Variants in JAKMIP1 observed in about 807,000 individuals in gnomAD.
JAKMIP1 encodes the protein janus kinase and microtubule-interacting protein 1.
JAKMIP1 carries 33 observed loss-of-function variants against 113.0 expected under a neutral mutation model. The ratio of observed to expected loss-of-function variants is 0.29; its 90% CI spans 0.22 to 0.39. The LOEUF is 0.39. Among genes scored for constraint, JAKMIP1 ranks in the 10% least tolerant of loss-of-function variants. The pLI is 1.00. For synonymous variants in JAKMIP1, 480 were observed against 459.9 expected (o/e 1.04, Z -0.56); for missense variants, 813 against 1,080.5 (o/e 0.75, Z 3.47).
At position 6,064,762 on chromosome 4, in the gene JAKMIP1, G is replaced by C; in HGVS notation, c.1431+118C>G. 7.6e-7 allele frequency: 1 copy of C among 1,309,648 alleles called. No individual in the cohort carries two copies. Among genetic ancestry groups the C allele is most frequent in the Admixed American group, 2.0e-5 (1 of 50,670 alleles). 81.1% of individuals were successfully genotyped at this position (1,309,648 alleles called of 1,614,324 possible). ...CTTTGATAATGCACTGGTAGGAACT[G>C]GTCATCTGGGGTTCAGAACTATAGG... On this transcript the variant is annotated intron_variant, in intron 9 of 20. Coordinates refer to ENST00000409021, the MANE Select transcript of JAKMIP1 (RefSeq NM_001099433.2). This position sits in a 1 kb window ranked among gnomAD's most constrained non-coding sequence, Gnocchi z 4.3.
At chr4:6,034,485 T>C (rs921102748) in intron 19 of JAKMIP1, among the ~76,000 whole-genome samples, 12 of 152,174 alleles carry the variant, frequency 7.9e-5, no homozygotes, top group Admixed American at 7.2e-4. Context: ...GGCTAGGCCA[T>C]GGTACCCAGA....
At position 6,139,097 on chromosome 4, in the gene JAKMIP1, CACACACA is replaced by C. The variant is rs1719709840; in HGVS notation, c.-147-26107_-147-26101del. Among the ~76,000 whole-genome samples, 1 of 151,520 alleles carries C rather than the reference CACACACA, an allele frequency of 6.6e-6. No individual in the cohort carries two copies. The highest frequency in any genetic ancestry group is 2.4e-5 in the African/African-American group (1 of 40,986). On this transcript the variant is annotated intron_variant, in intron 1 of 20. Transcript: ENST00000409021. The surrounding 1 kb of genome is among the most constrained non-coding windows in gnomAD (Gnocchi z 5.2). ...ACACACACACACATATACACACACA[CACACACA>C]CCAGCAGGTCAGCCCTGCTCTCCTC...
chr4:6,110,740 G>A (rs34398873), intron 2 of JAKMIP1, among the ~76,000 whole-genome samples: 26,639 of 148,768 alleles, frequency 0.18, 2,542 homozygotes, highest in African/African-American at 0.24. Flanking sequence ...GAAAACTGAG[G>A]CAGGGGGTTA....
intron 3 of JAKMIP1, among the ~76,000 whole-genome samples, chr4:6,098,698 AAG>A (rs1180491786): frequency 0.019 from 139 of 7,132 alleles, no homozygotes; most frequent in African/African-American, 0.025. Flanking sequence ...GAAAGAAAGA[AAG>A]AAAGAAAGAA....
Position 6,076,304 on chromosome 4 carries a change from C to A in JAKMIP1, c.1302+2635G>T, listed in dbSNP as rs947542723. Among the ~76,000 whole-genome samples the A allele has an allele frequency of 6.6e-6, 1 of 152,134 alleles. No individual in the cohort carries two copies. The highest frequency in any genetic ancestry group is 1.5e-5 in the Non-Finnish European group (1 of 68,018). On this transcript the variant is annotated intron_variant, in intron 8 of 20. Coordinates refer to ENST00000409021, the MANE Select transcript of JAKMIP1 (RefSeq NM_001099433.2). This position sits in a 1 kb window ranked among gnomAD's most constrained non-coding sequence, Gnocchi z 4.8. The stretch of plus-strand genomic sequence containing the variant: ...AATGTGCAGAAATTTGCCCCGTGTT[C>A]GACTTGGCTTGGTGGGAAAAGCTTG...
chr4:6,063,807 G>T (rs1227052658), intron 9 of JAKMIP1, among the ~76,000 whole-genome samples: 2 of 152,224 alleles, frequency 1.3e-5, no homozygotes, highest in African/African-American at 2.4e-5. Context: ...AACAAGCAGG[G>T]GTGTGTGGGA....
rs868040490 is a variant in JAKMIP1, at chr4:6,051,959, G to A, written c.1807-1280C>T. On this transcript the variant is annotated intron_variant, in intron 13 of 20. Transcript: ENST00000409021. This position sits in a 1 kb window ranked among gnomAD's most constrained non-coding sequence, Gnocchi z 5.0. ...GTTACGGTAAGGTAAAAAATAACAT[G>A]CTTTGGGCCATTCTAGCAGAATCTA... Among the ~76,000 whole-genome samples the A allele has an allele frequency of 1.3e-5, 2 of 152,136 alleles. No individual in the cohort carries two copies. Among genetic ancestry groups the A allele is most frequent in the South Asian group, 2.1e-4 (1 of 4,826 alleles).
At position 6,049,228 on chromosome 4, in the gene JAKMIP1, GTT is replaced by G. The variant is rs1715360603; in HGVS notation, c.1963-308_1963-307del. ...TTTTTGTATTTTTAGCAGAGACAGG[GTT>G]TCGCCATGTTGGCCAGGCTGGTCTC... On this transcript the variant is annotated intron_variant, in intron 15 of 20. Transcript: ENST00000409021. The surrounding 1 kb of genome is among the most constrained non-coding windows in gnomAD (Gnocchi z 7.0). Among the ~76,000 whole-genome samples the G allele has an allele frequency of 1.3e-5, 2 of 152,174 alleles. No individual in the cohort carries two copies. Among genetic ancestry groups the G allele is most frequent in the Admixed American group, 1.3e-4 (2 of 15,268 alleles).
Position 6,064,830 on chromosome 4 carries a change from C to G in JAKMIP1, c.1431+50G>C. ...CAACTATCAAAAGCAGGAGGTGCCG[C>G]CCCGAGAGCATCTGGGGTGAGGTCC... On this transcript the variant is annotated intron_variant, in intron 9 of 20. Coordinates refer to ENST00000409021, the MANE Select transcript of JAKMIP1 (RefSeq NM_001099433.2). This position sits in a 1 kb window ranked among gnomAD's most constrained non-coding sequence, Gnocchi z 4.3. 1 of 1,610,770 alleles carries G rather than the reference C, an allele frequency of 6.2e-7. No individual in the cohort carries two copies. Among genetic ancestry groups the G allele is most frequent in the Non-Finnish European group, 8.5e-7 (1 of 1,178,408 alleles).
In JAKMIP1 at chr4:6,136,843, T is replaced by C. The variant is rs1465272493; in HGVS notation, c.-147-23846A>G. ...CCACTGGCAGAAAGCAAAAAGCTAG[T>C]TACCAGCAGCGGCACTACCCATCAC... On this transcript the variant is annotated intron_variant, in intron 1 of 20. Transcript: ENST00000409021. The surrounding 1 kb of genome is among the most constrained non-coding windows in gnomAD (Gnocchi z 5.9). Among the ~76,000 whole-genome samples the C allele has an allele frequency of 6.6e-6, 1 of 152,300 alleles. No homozygotes were observed. The highest frequency in any genetic ancestry group is 6.5e-5 in the Admixed American group (1 of 15,302).
rs115906627 is a variant in JAKMIP1, at chr4:6,073,710, C to G, written c.1302+5229G>C. ...TGGATATAATGTTCATTTTAAGAAT[C>G]AAACTGAGGTTCTGAGCGTTTAGAT... On this transcript the variant is annotated intron_variant, in intron 8 of 20. Coordinates refer to ENST00000409021, the MANE Select transcript of JAKMIP1 (RefSeq NM_001099433.2). Among the ~76,000 whole-genome samples, 1,306 of 152,332 alleles carry G rather than the reference C, an allele frequency of 8.6e-3. 13 individuals are homozygous for G. The highest frequency in any genetic ancestry group is 0.014 in the Non-Finnish European group (936 of 68,030).
At chr4:6,078,402 CTTT>C (rs11451395) in intron 8 of JAKMIP1, among the ~76,000 whole-genome samples, 6 of 130,540 alleles carry the variant, frequency 4.6e-5, no homozygotes, top group Admixed American at 7.7e-5. Context: ...GCAAACTATG[CTTT>C]TTTTTTTTTT....
In JAKMIP1 at chr4:6,194,570, C is replaced by T. The variant is rs1257915224; in HGVS notation, c.-148+5683G>A. The T allele has an allele frequency of 6.6e-6, 1 of 152,288 alleles. No individual in the cohort carries two copies. The highest frequency in any genetic ancestry group is 1.5e-5 in the Non-Finnish European group (1 of 68,140). The allele number at this position is 152,288 out of a possible 1,614,324, so 9.4% of individuals were successfully genotyped here. On this transcript the variant is annotated intron_variant, in intron 1 of 20. Coordinates refer to ENST00000409021, the MANE Select transcript of JAKMIP1 (RefSeq NM_001099433.2). This position sits in a 1 kb window ranked among gnomAD's most constrained non-coding sequence, Gnocchi z 7.4. Reference sequence around the variant, plus strand: ...CCTGTAGTGATGTGTCCCACCCCCTCCAGTGCTGTGGAGGGACCCGGGTCA... The same window carrying T: ...CCTGTAGTGATGTGTCCCACCCCCTTCAGTGCTGTGGAGGGACCCGGGTCA...
intron 1 of JAKMIP1, among the ~76,000 whole-genome samples, chr4:6,124,345 G>A (rs1188636190): frequency 6.6e-6 from 1 of 152,196 alleles, no homozygotes; most frequent in Non-Finnish European, 1.5e-5. Flanking sequence ...ACCTGCACCA[G>A]CACATTCAGG....
At chr4:6,118,573 C>T (rs1490720896) in intron 1 of JAKMIP1, among the ~76,000 whole-genome samples, 1 of 152,176 alleles carries the variant, frequency 6.6e-6, no homozygotes, top group East Asian at 1.9e-4. Context: ...CAGCCTTCCA[C>T]GATGCCCACC....
chr4:6,166,698 AACGAGCAGC>A (rs1723681443), intron 1 of JAKMIP1, among the ~76,000 whole-genome samples: 3 of 152,240 alleles, frequency 2.0e-5, no homozygotes, highest in African/African-American at 7.2e-5. Flanking sequence ...CCAAAGGTAG[AACGAGCAGC>A]ACCATCTACA....
intron 1 of JAKMIP1, among the ~76,000 whole-genome samples, chr4:6,166,381 G>A (rs1723637191): frequency 2.0e-5 from 3 of 152,296 alleles, no homozygotes; most frequent in Non-Finnish European, 2.9e-5. Flanking sequence ...AGTGGCCCAG[G>A]CCACTTCCTG....
In JAKMIP1 at chr4:6,051,286, A is replaced by C. The variant is rs1473796617; in HGVS notation, c.1807-607T>G. On this transcript the variant is annotated intron_variant, in intron 13 of 20. Transcript: ENST00000409021. The surrounding 1 kb of genome is among the most constrained non-coding windows in gnomAD (Gnocchi z 5.0). The stretch of plus-strand genomic sequence containing the variant: ...CGCCCAGGCTGGAGTGCAATGGCAC[A>C]ATCTTGGCTCACTGCAACCTCCACC... Among the ~76,000 whole-genome samples the C allele has an allele frequency of 6.6e-6, 1 of 151,120 alleles. No individual in the cohort carries two copies. Among genetic ancestry groups the C allele is most frequent in the Non-Finnish European group, 1.5e-5 (1 of 67,892 alleles).
intron 1 of JAKMIP1, among the ~76,000 whole-genome samples, chr4:6,128,827 G>T (rs898980053): frequency 6.6e-6 from 1 of 152,142 alleles, no homozygotes; most frequent in Non-Finnish European, 1.5e-5. Flanking sequence ...CCACCAGAAG[G>T]CACCACCTAT....
Sources: gnomAD v4.1 joint callset for allele counts (sites outside exome capture counted in the v4.1 genomes callset) on GRCh38, gnomAD v4.1.1 for gene constraint, Gnocchi (gnomAD v3.1) non-coding constraint, MANE v1.5 for transcripts, NCBI Gene and HGNC (gene_info 2026-07-23, HGNC 2026-07-21) for gene names.